The following BICD1 variants were observed in gnomAD, a reference collection of about 807,000 sequenced individuals.
BICD1 encodes the protein protein bicaudal D homolog 1.
Under a neutral mutation model 92.5 loss-of-function variants are expected in BICD1, and 35 were observed. The ratio of observed to expected loss-of-function variants is 0.38; its 90% CI spans 0.29 to 0.50. The LOEUF (loss-of-function observed/expected upper bound fraction) is 0.50. Among genes scored for constraint, BICD1 ranks in the 20% least tolerant of loss-of-function variants. The pLI, the probability that BICD1 is intolerant of heterozygous loss-of-function variation, is 0.93. For synonymous variants in BICD1, 429 were observed against 465.1 expected (o/e 0.92, Z 1.00); for missense variants, 950 against 1,189.8 (o/e 0.80, Z 2.97).
At chr12:32,120,755 AT>A (rs35055883) in intron 1 of BICD1, among the ~76,000 whole-genome samples, 45,438 of 148,294 alleles carry the variant, frequency 0.31, 7,079 homozygotes, top group Admixed American at 0.44. Flanking sequence ...ACGCATGACC[AT>A]TTTTTTTTTG....
intron 4 of BICD1, among the ~76,000 whole-genome samples, chr12:32,311,224 G>A (rs1334626441): frequency 2.6e-5 from 4 of 152,214 alleles, no homozygotes; most frequent in African/African-American, 7.2e-5. Flanking sequence ...TGGGCCGGGT[G>A]CGGTGGCTCA....
At chr12:32,296,433 A>G (rs1947875793) in intron 3 of BICD1, among the ~76,000 whole-genome samples, 1 of 151,122 alleles carries the variant, frequency 6.6e-6, no homozygotes, top group Non-Finnish European at 1.5e-5. Context: ...AATTTTTTAT[A>G]TTTTTAGTAG....
chr12:32,258,054 A>T (rs1228763066), intron 2 of BICD1, among the ~76,000 whole-genome samples: 1 of 152,190 alleles, frequency 6.6e-6, no homozygotes, highest in Non-Finnish European at 1.5e-5. Flanking sequence ...ATACGCCTAG[A>T]GGTAGAATTG....
At chr12:32,205,332 T>A (rs76867637) in intron 1 of BICD1, among the ~76,000 whole-genome samples, 1 of 152,148 alleles carries the variant, frequency 6.6e-6, no homozygotes, top group Non-Finnish European at 1.5e-5. Flanking sequence ...GGAATCTCTA[T>A]GTCTTTGTTT....
intron 2 of BICD1, among the ~76,000 whole-genome samples, chr12:32,276,948 C>G (rs1318648906): frequency 2.8e-5 from 4 of 141,562 alleles, no homozygotes; most frequent in Non-Finnish European, 4.7e-5. Context: ...TTACAAAGTG[C>G]TTTCAAACAT....
chr12:32,138,547 T>C (rs1336174001), intron 1 of BICD1, among the ~76,000 whole-genome samples: 1 of 152,222 alleles, frequency 6.6e-6, no homozygotes, highest in Non-Finnish European at 1.5e-5. Context: ...TGACTTTATA[T>C]AAACCATATT....
chr12:32,118,642 A>T (rs1245440993), intron 1 of BICD1, among the ~76,000 whole-genome samples: 1 of 152,178 alleles, frequency 6.6e-6, no homozygotes, highest in African/African-American at 2.4e-5. Flanking sequence ...TGTAGGTTAC[A>T]TGCAAATACT....
intron 8 of BICD1, among the ~76,000 whole-genome samples, chr12:32,351,583 G>A (rs1186041329): frequency 6.7e-6 from 1 of 148,196 alleles, no homozygotes; most frequent in African/African-American, 2.5e-5. Context: ...TTTGCAGAAT[G>A]ATCTAGAGCA....
chr12:32,329,060 T>G (rs1244786534), intron 5 of BICD1, among the ~76,000 whole-genome samples: 1 of 152,180 alleles, frequency 6.6e-6, no homozygotes, highest in African/African-American at 2.4e-5. Flanking sequence ...AGGTTCAGAT[T>G]CAAGACTCAA....
chr12:32,299,950 G>A (rs76286891), intron 3 of BICD1, among the ~76,000 whole-genome samples: 1 of 152,142 alleles, frequency 6.6e-6, no homozygotes, highest in African/African-American at 2.4e-5. Context: ...AGTATCTTAG[G>A]TTTCATAGGT....
intron 1 of BICD1, among the ~76,000 whole-genome samples, chr12:32,132,630 G>C: frequency 6.6e-6 from 1 of 152,156 alleles, no homozygotes; most frequent in Non-Finnish European, 1.5e-5. Flanking sequence ...CCAACGCCAA[G>C]GGGGCAGTAC....
chr12:32,201,390 C>G (rs780197632), intron 1 of BICD1, among the ~76,000 whole-genome samples: 2 of 152,084 alleles, frequency 1.3e-5, no homozygotes, highest in Non-Finnish European at 2.9e-5. Context: ...CACTAGACTT[C>G]TTCATACAAT....
chr12:32,230,853 G>T (rs145561142), intron 2 of BICD1, among the ~76,000 whole-genome samples: 1 of 138,346 alleles, frequency 7.2e-6, no homozygotes, highest in African/African-American at 2.8e-5. Flanking sequence ...AAAGGAAGGT[G>T]CATTATGCAC....
chr12:32,360,581 G>A (rs1939287071), intron 8 of BICD1, among the ~76,000 whole-genome samples: 1 of 152,086 alleles, frequency 6.6e-6, no homozygotes, highest in South Asian at 2.1e-4. Context: ...CATAAGACCA[G>A]GGAAATGGTA....
intron 1 of BICD1, among the ~76,000 whole-genome samples, chr12:32,110,770 A>G (rs1941653814): frequency 6.8e-6 from 1 of 147,138 alleles, no homozygotes. Context: ...TCTCACTCAT[A>G]GATGGGAATT....
Position 32,106,963 on chromosome 12 carries a change from T to A in BICD1, c.-369T>A, listed in dbSNP as rs991266258. The stretch of plus-strand genomic sequence containing the variant: ...CTGCAGTGACGCGGCCCGGGAGACA[T>A]GGCGGACGGGCGTCTCTGAATAAGC... On this transcript the variant is annotated 5_prime_UTR_variant, in exon 1 of 10. An upstream start codon of the reference 5' UTR is lost. Coordinates refer to ENST00000652176, the MANE Select transcript of BICD1 (RefSeq NM_001714.4). 1 of 233,578 alleles carries A rather than the reference T, an allele frequency of 4.3e-6. No individual in the cohort carries two copies. Among genetic ancestry groups the A allele is most frequent in the Non-Finnish European group, 8.4e-6 (1 of 119,652 alleles). 14.5% of individuals were successfully genotyped at this position (233,578 alleles called of 1,614,324 possible).
chr12:32,128,659 C>CTA (rs1306549635), intron 1 of BICD1, among the ~76,000 whole-genome samples: 3 of 151,560 alleles, frequency 2.0e-5, no homozygotes, highest in African/African-American at 7.3e-5. Flanking sequence ...AAAATTTTTC[C>CTA]TATATGTTTA....
chr12:32,355,323 TAATA>T (rs964147164), intron 8 of BICD1, among the ~76,000 whole-genome samples: 9 of 152,244 alleles, frequency 5.9e-5, no homozygotes, highest in African/African-American at 2.2e-4. Context: ...TTGATGATAC[TAATA>T]AATAAATCCA....
chr12:32,227,096 C>T (rs1945721597), intron 2 of BICD1, among the ~76,000 whole-genome samples: 1 of 152,136 alleles, frequency 6.6e-6, no homozygotes, highest in African/African-American at 2.4e-5. Context: ...GCTGGAGAGC[C>T]TCCTCCATGT....
Sources: allele counts gnomAD v4.1 joint callset (sites outside exome capture counted in the v4.1 genomes callset), GRCh38; gene constraint gnomAD v4.1.1; transcripts MANE v1.5; gene names NCBI Gene and HGNC (gene_info 2026-07-23, HGNC 2026-07-21).